Variants in PTCHD4 observed in about 807,000 individuals in gnomAD.
PTCHD4 encodes patched domain containing 4, also known as patched domain-containing protein 4.
PTCHD4 carries 33 observed loss-of-function variants against 58.1 expected under a neutral mutation model. That is an observed-to-expected ratio of 0.57 (90% CI 0.43 to 0.76). The LOEUF is 0.76. Ranked by LOEUF, PTCHD4 falls within the 30% of genes least tolerant of loss-of-function variation. The probability of loss-of-function intolerance (pLI) is 0.00; values close to 1 mark genes in which losing one functional copy is unlikely to be tolerated. For synonymous variants in PTCHD4, 478 were observed against 409.6 expected (o/e 1.17, Z -2.02); for missense variants, 1,058 against 1,027.1 (o/e 1.03, Z -0.41).
chr6:47,879,219 C>G lies in PTCHD4; in HGVS notation c.1616G>C (p.Cys539Ser), dbSNP rs374530480. ...CCAGGACACTGCAGTGAATCCACTA[C>G]AGAGTCTTCTTAGGTCATCCTGGAC... The part of the protein sequence containing the change: ...SSVQDDLRRL[C>S]SGFTAVSWVE... The change falls in exon 5 of 5, where the codon TGT (cysteine) becomes TCT (serine). Residue 539 changes from cysteine to serine, a missense_variant. Cys to Ser is a moderately radical substitution (Grantham distance 112). Coordinates refer to ENST00000339488, the MANE Select transcript of PTCHD4 (RefSeq NM_001384253.1). 9 of 1,612,962 alleles carry G rather than the reference C, an allele frequency of 5.6e-6. No individual in the cohort carries two copies. In the African/African-American group the frequency reaches 1.2e-4, roughly 22 times the overall value.
intron 3 of PTCHD4, among the ~76,000 whole-genome samples, chr6:48,056,974 T>C (rs1019347355): frequency 6.6e-6 from 1 of 152,190 alleles, no homozygotes; most frequent in Non-Finnish European, 1.5e-5. Flanking sequence ...ATTTATTACA[T>C]ACTTAAACCA....
At chr6:48,059,989 T>A (rs1396902643) in intron 3 of PTCHD4, among the ~76,000 whole-genome samples, 1 of 152,222 alleles carries the variant, frequency 6.6e-6, no homozygotes, top group Non-Finnish European at 1.5e-5. Context: ...CAGCATCATG[T>A]ATTTTTCATC....
At chr6:48,052,690 A>G (rs943906320) in intron 3 of PTCHD4, among the ~76,000 whole-genome samples, 7 of 152,104 alleles carry the variant, frequency 4.6e-5, no homozygotes, top group Admixed American at 2.0e-4. Context: ...TCAACTATGT[A>G]AAGTGCTTTT....
chr6:48,013,629 C>T (rs767548), intron 3 of PTCHD4, among the ~76,000 whole-genome samples: 35,531 of 151,864 alleles, frequency 0.23, 5,436 homozygotes, highest in East Asian at 0.63. Context: ...AATTGATCCC[C>T]AATTAGGCGC....
chr6:48,031,320 A>G lies in PTCHD4; in HGVS notation c.418-22206T>C, dbSNP rs577424901. Among the ~76,000 whole-genome samples, 35 of 151,958 alleles carry G rather than the reference A, an allele frequency of 2.3e-4. No individual in the cohort carries two copies. The South Asian group carries it at 6.8e-3, about 30-fold the overall frequency. On this transcript the variant is annotated intron_variant, in intron 3 of 4. Coordinates refer to ENST00000339488, the MANE Select transcript of PTCHD4 (RefSeq NM_001384253.1). ...CTATGTTGCCTGTTAGTAATTTTTC[A>G]TCCAGTGACCCACACCCTGCTCCTT...
At chr6:48,064,531 A>C (rs1270757364) in intron 3 of PTCHD4, among the ~76,000 whole-genome samples, 1 of 152,164 alleles carries the variant, frequency 6.6e-6, no homozygotes, top group Non-Finnish European at 1.5e-5. Context: ...TGTATACAAT[A>C]GTATGATGTG....
intron 4 of PTCHD4, among the ~76,000 whole-genome samples, chr6:47,955,791 A>C (rs941285768): frequency 6.6e-6 from 1 of 152,326 alleles, no homozygotes; most frequent in African/African-American, 2.4e-5. Context: ...ACTATCAAAA[A>C]TGTGTGAAAA....
intron 4 of PTCHD4, among the ~76,000 whole-genome samples, chr6:47,925,407 C>A (rs981192260): frequency 6.6e-6 from 1 of 152,126 alleles, no homozygotes; most frequent in South Asian, 2.1e-4. Flanking sequence ...TGACTATCTG[C>A]AGCCATCTAT....
At chr6:47,896,732 A>G (rs1369313312) in intron 4 of PTCHD4, among the ~76,000 whole-genome samples, 1 of 152,228 alleles carries the variant, frequency 6.6e-6, no homozygotes, top group African/African-American at 2.4e-5. Flanking sequence ...CAAAGGGACC[A>G]TGGAGAACAC....
chr6:48,100,242 G>C (rs746879998), intron 1 of PTCHD4, among the ~76,000 whole-genome samples: 1 of 152,092 alleles, frequency 6.6e-6, no homozygotes, highest in African/African-American at 2.4e-5. Flanking sequence ...AGAAAAATAG[G>C]TATATCTTCA....
Position 47,875,078 on chromosome 6 carries a change from AG to A in PTCHD4, c.*3224del, listed in dbSNP as rs1311630361. On this transcript the variant is annotated 3_prime_UTR_variant, in exon 5 of 5. Coordinates refer to ENST00000339488, the MANE Select transcript of PTCHD4 (RefSeq NM_001384253.1). Reference sequence around the variant, plus strand: ...CATTCCAGTTTACATACAGAAAAAGAGTAGTTTTTTCAAACTTTATAACCTC... The same window carrying A: ...CATTCCAGTTTACATACAGAAAAAGATAGTTTTTTCAAACTTTATAACCTC... Among the ~76,000 whole-genome samples, 1 of 151,830 alleles carries A rather than the reference AG, an allele frequency of 6.6e-6. No individual in the cohort carries two copies. Among genetic ancestry groups the A allele is most frequent in the Non-Finnish European group, 1.5e-5 (1 of 67,850 alleles).
intron 4 of PTCHD4, chr6:47,900,195 AG>A (rs1180986076): frequency 6.6e-6 from 1 of 152,230 alleles, no homozygotes; most frequent in African/African-American, 2.4e-5. Flanking sequence ...TAGCATTTTT[AG>A]GAACTGTCAG....
chr6:47,864,234 C>G lies in PTCHD4; in HGVS notation c.*14069G>C, dbSNP rs1173828642. On this transcript the variant is annotated 3_prime_UTR_variant, in exon 5 of 5. Coordinates refer to ENST00000339488, the MANE Select transcript of PTCHD4 (RefSeq NM_001384253.1). ...ATATGCAGGCTGTGCTTTGACAAGC[C>G]CTCCAGGTGATTTTGATACATGCTT... Among the ~76,000 whole-genome samples, 1 of 151,676 alleles carries G rather than the reference C, an allele frequency of 6.6e-6. No individual in the cohort carries two copies. Among genetic ancestry groups the G allele is most frequent in the Non-Finnish European group, 1.5e-5 (1 of 67,870 alleles).
intron 4 of PTCHD4, among the ~76,000 whole-genome samples, chr6:47,897,940 C>CTTTTTTTTTTTTTTTTTTTTTT (rs67063892): frequency 3.9e-5 from 3 of 76,354 alleles, no homozygotes; most frequent in Non-Finnish European, 7.2e-5. Context: ...TTCTTTCTTT[C>CTTTTTTTTTTTTTTTTTTTTTT]TTTTTTTTTT....
At chr6:47,986,189 C>A (rs534800853) in intron 4 of PTCHD4, among the ~76,000 whole-genome samples, 16 of 152,104 alleles carry the variant, frequency 1.1e-4, no homozygotes, top group African/African-American at 3.6e-4. Flanking sequence ...TGTTTGTATT[C>A]TAGCTTTATT....
Position 47,878,847 on chromosome 6 carries a change from A to C in PTCHD4, c.1988T>G (p.Phe663Cys). 6.2e-7 allele frequency: 1 copy of C among 1,613,742 alleles called. No individual in the cohort carries two copies. Among genetic ancestry groups the C allele is most frequent in the Non-Finnish European group, 8.5e-7 (1 of 1,179,766 alleles). ...CAGGATTAACACCAGGAGAACACCA[A>C]AGCCTGCAATCAGAACAGGCACTGT... is the stretch of plus-strand genomic sequence containing the variant. ...SVTVPVLIAG[F>C]GVLLVLILTF... is the part of the protein sequence containing the mutation. Residue 663 changes from phenylalanine (F) to cysteine (C), a missense_variant, in exon 5 of 5, where the codon TTT (phenylalanine) becomes TGT (cysteine). Phe to Cys is a radical substitution (Grantham distance 205). Coordinates refer to ENST00000339488, the MANE Select transcript of PTCHD4 (RefSeq NM_001384253.1).
At chr6:47,905,436 T>G (rs1373249458) in intron 4 of PTCHD4, among the ~76,000 whole-genome samples, 1 of 152,198 alleles carries the variant, frequency 6.6e-6, no homozygotes, top group Non-Finnish European at 1.5e-5. Flanking sequence ...ATTGTTACTA[T>G]GAACTAAATA....
At chr6:48,092,406 G>A (rs1054433897) in intron 1 of PTCHD4, among the ~76,000 whole-genome samples, 1 of 152,164 alleles carries the variant, frequency 6.6e-6, no homozygotes, top group Admixed American at 6.5e-5. Context: ...GCAGCTAGGG[G>A]ATCCATCGGC....
chr6:47,982,044 T>C (rs1767898559), intron 4 of PTCHD4, among the ~76,000 whole-genome samples: 1 of 152,202 alleles, frequency 6.6e-6, no homozygotes, highest in African/African-American at 2.4e-5. Flanking sequence ...TGCACACTTC[T>C]CAGAATTGTG....
Sources: allele counts gnomAD v4.1 joint callset (sites outside exome capture counted in the v4.1 genomes callset), GRCh38; gene constraint gnomAD v4.1.1; transcripts MANE v1.5; gene names NCBI Gene and HGNC (gene_info 2026-07-23, HGNC 2026-07-21).